Variants in SORCS3 observed in about 807,000 individuals in gnomAD.
SORCS3 encodes the protein VPS10 domain-containing receptor SorCS3.
SORCS3 carries 57 observed loss-of-function variants against 146.3 expected under a neutral mutation model. The observed-to-expected ratio is 0.39, with a 90% CI of 0.31 to 0.49. The LOEUF (loss-of-function observed/expected upper bound fraction) is 0.49. Ranked by LOEUF, SORCS3 falls within the 20% of genes least tolerant of loss-of-function variation. SORCS3 has a pLI of 0.92. For synonymous variants in SORCS3, 653 were observed against 618.5 expected, an observed-to-expected ratio of 1.06 and a Z score of -0.83; for missense variants, 1,341 against 1,575.5, an observed-to-expected ratio of 0.85 and a Z score of 2.52.
At chr10:105,042,595 G>A (rs1480963333) in intron 4 of SORCS3, among the ~76,000 whole-genome samples, 2 of 152,102 alleles carry the variant, frequency 1.3e-5, no homozygotes, top group Non-Finnish European at 2.9e-5. Flanking sequence ...CAAAAACATA[G>A]GAGTGTGAAT....
At chr10:104,842,643 C>G in intron 1 of SORCS3, 149 bp from the exon 2 acceptor site, 1 of 585,392 alleles carries the variant, frequency 1.7e-6, no homozygotes. Context: ...TTGCTTAATC[C>G]TATAATACCC....
chr10:105,109,308 T>G (rs1042315440), intron 7 of SORCS3, among the ~76,000 whole-genome samples: 1 of 152,172 alleles, frequency 6.6e-6, no homozygotes, highest in African/African-American at 2.4e-5. Context: ...AGAAGAAAGG[T>G]GAAAAAAATA....
At chr10:105,125,679 C>CCA (rs71022752) in intron 7 of SORCS3, among the ~76,000 whole-genome samples, 297 of 144,480 alleles carry the variant, frequency 2.1e-3, no homozygotes, top group South Asian at 3.7e-3. Context: ...CACTGAATAT[C>CCA]CACACACACA....
chr10:105,172,824 C>G (rs2056370881), intron 13 of SORCS3, among the ~76,000 whole-genome samples: 1 of 152,138 alleles, frequency 6.6e-6, no homozygotes, highest in South Asian at 2.1e-4. Context: ...ATCCTACACT[C>G]ACGGTGGCTT....
At chr10:104,778,656 C>A (rs1318712672) in intron 1 of SORCS3, among the ~76,000 whole-genome samples, 2 of 152,166 alleles carry the variant, frequency 1.3e-5, no homozygotes, top group Non-Finnish European at 2.9e-5. Context: ...AATAATGAGA[C>A]CCAACGGTCG....
chr10:104,724,222 C>T (rs1341642555), intron 1 of SORCS3, among the ~76,000 whole-genome samples: 5 of 152,208 alleles, frequency 3.3e-5, no homozygotes, highest in East Asian at 3.9e-4. Flanking sequence ...TTTTATTTCT[C>T]CTTCACTTAT....
intron 25 of SORCS3, among the ~76,000 whole-genome samples, chr10:105,259,779 A>G (rs559153116): frequency 1.3e-4 from 20 of 152,218 alleles, no homozygotes; most frequent in African/African-American, 4.8e-4. Context: ...CTTTCTCTAA[A>G]TTTCCTCCTA....
chr10:105,123,366 G>C (rs1380508052), intron 7 of SORCS3, among the ~76,000 whole-genome samples: 3 of 152,220 alleles, frequency 2.0e-5, no homozygotes, highest in African/African-American at 2.4e-5. Flanking sequence ...TTGCTGTTCA[G>C]AGGTATTGCC....
chr10:104,919,517 C>T (rs533868884), intron 3 of SORCS3, among the ~76,000 whole-genome samples: 2 of 152,060 alleles, frequency 1.3e-5, no homozygotes, highest in African/African-American at 4.8e-5. Flanking sequence ...ATGGAGAAAC[C>T]CTGTCTCTGC....
intron 1 of SORCS3, among the ~76,000 whole-genome samples, chr10:104,762,723 C>G (rs1227796794): frequency 6.6e-6 from 1 of 152,290 alleles, no homozygotes; most frequent in East Asian, 1.9e-4. Context: ...GGCACTTCCC[C>G]TTCACTTGCT....
rs142389498 is a variant in SORCS3, at chr10:105,144,669, A to G, written c.1303-2948A>G. On this transcript the variant is annotated intron_variant, in intron 8 of 26. Coordinates refer to ENST00000369701, the MANE Select transcript of SORCS3 (RefSeq NM_014978.3). ...CAAGTTCCAAGTTTAGTAAAGTCCC[A>G]GTCTAAATTTACTCTTATTGCATTT... 9.5e-3 allele frequency among the ~76,000 whole-genome samples: 1,445 copies of G among 152,202 alleles called. 30 individuals are homozygous for G. Among genetic ancestry groups the G allele is most frequent in the African/African-American group, 0.033 (1,373 of 41,536 alleles).
chr10:104,696,672 TAAC>T (rs1182250955), intron 1 of SORCS3, among the ~76,000 whole-genome samples: 2 of 8,622 alleles, frequency 2.3e-4, no homozygotes, highest in African/African-American at 4.2e-4. Flanking sequence ...ATATAATATA[TAAC>T]ATATATAATA....
chr10:105,212,850 C>T (rs1241942952), intron 17 of SORCS3, among the ~76,000 whole-genome samples: 3 of 152,038 alleles, frequency 2.0e-5, no homozygotes, highest in African/African-American at 4.8e-5. Flanking sequence ...AACTATGCAT[C>T]CTGAGAAAGT....
Position 104,977,504 on chromosome 10 carries a change from A to G in SORCS3, c.954+11A>G. 1 of 1,588,344 alleles carries G rather than the reference A, an allele frequency of 6.3e-7. No individual in the cohort carries two copies. The highest frequency in any genetic ancestry group is 8.6e-7 in the Non-Finnish European group (1 of 1,168,824). Reference sequence around the variant, plus strand: ...AGTTTGGATCAAAAGGTGAATAAATACTATTTTCATTTACTTCTTGTCATC... The same window carrying G: ...AGTTTGGATCAAAAGGTGAATAAATGCTATTTTCATTTACTTCTTGTCATC... On this transcript the variant is annotated intron_variant, in intron 4 of 26. Coordinates refer to ENST00000369701, the MANE Select transcript of SORCS3 (RefSeq NM_014978.3).
chr10:104,672,011 CCCT>C (rs147427188), intron 1 of SORCS3, among the ~76,000 whole-genome samples: 2,751 of 152,142 alleles, frequency 0.018, 89 homozygotes, highest in African/African-American at 0.063. Flanking sequence ...AAAGAGCTTC[CCCT>C]CCTCTTCAGT....
In SORCS3 at chr10:104,794,313, C is replaced by G. The variant is rs377620186; in HGVS notation, c.628-48479C>G. On this transcript the variant is annotated intron_variant, in intron 1 of 26. Transcript: ENST00000369701. ...CTCTGGAATGAAGAATGAGATACTC[C>G]CCAGTGAGCCTGTTTTCCTTCAAGA... Among the ~76,000 whole-genome samples, 5 of 152,068 alleles carry G rather than the reference C, an allele frequency of 3.3e-5. No homozygotes were observed. In the East Asian group the frequency reaches 7.7e-4, roughly 23 times the overall value.
intron 3 of SORCS3, among the ~76,000 whole-genome samples, chr10:104,935,929 T>C (rs2019255728): frequency 6.6e-6 from 1 of 152,086 alleles, no homozygotes; most frequent in Non-Finnish European, 1.5e-5. Context: ...GGTGTTGGGC[T>C]CAGTACAGGG....
chr10:104,905,016 G>A (rs1453355463), intron 2 of SORCS3, among the ~76,000 whole-genome samples: 2 of 152,216 alleles, frequency 1.3e-5, no homozygotes, highest in South Asian at 2.1e-4. Flanking sequence ...CAATACATCC[G>A]ACTTCTAGCT....
intron 16 of SORCS3, among the ~76,000 whole-genome samples, chr10:105,207,271 G>GTTT (rs1564784855): frequency 7.9e-6 from 1 of 127,232 alleles, no homozygotes; most frequent in African/African-American, 3.6e-5. Context: ...GCATGCAGAG[G>GTTT]TTTATTATTA....
Sources: gnomAD v4.1 joint callset for allele counts (sites outside exome capture counted in the v4.1 genomes callset) on GRCh38, gnomAD v4.1.1 for gene constraint, MANE v1.5 for transcripts, NCBI Gene and HGNC (gene_info 2026-07-23, HGNC 2026-07-21) for gene names.